The following PIP4K2A variants were observed in gnomAD, a reference collection of about 807,000 sequenced individuals.
PIP4K2A encodes the protein phosphatidylinositol 5-phosphate 4-kinase type-2 alpha.
A neutral mutation model predicts 42.9 loss-of-function variants in PIP4K2A; 14 were observed. That is an observed-to-expected ratio of 0.33 (90% CI 0.22 to 0.51). PIP4K2A has a LOEUF of 0.51. Ranked by LOEUF, PIP4K2A falls within the 20% of genes least tolerant of loss-of-function variation. The pLI is 0.97. For synonymous variants in PIP4K2A, 192 were observed against 192.2 expected, an observed-to-expected ratio of 1.00 and a Z score of 0.01; for missense variants, 434 against 519.8, an observed-to-expected ratio of 0.83 and a Z score of 1.61.
chr10:22,541,384 T>C (rs528599279), intron 8 of PIP4K2A, among the ~76,000 whole-genome samples: 1 of 152,360 alleles, frequency 6.6e-6, no homozygotes, highest in African/African-American at 2.4e-5. Context: ...ATGATGCTTT[T>C]GACTTAGATA....
intron 4 of PIP4K2A, among the ~76,000 whole-genome samples, chr10:22,576,343 G>A (rs779035600): frequency 6.6e-6 from 1 of 152,182 alleles, no homozygotes; most frequent in African/African-American, 2.4e-5. Flanking sequence ...GACACAAAGA[G>A]ACCTGAATGA....
intron 1 of PIP4K2A, among the ~76,000 whole-genome samples, chr10:22,671,478 G>T (rs12260163): frequency 0.14 from 20,986 of 152,006 alleles, 1,752 homozygotes; most frequent in African/African-American, 0.22. Flanking sequence ...AGGGTAGGTC[G>T]CTGGAAGGTG....
intron 1 of PIP4K2A, among the ~76,000 whole-genome samples, chr10:22,657,601 T>C (rs1839127494): frequency 6.6e-6 from 1 of 152,240 alleles, no homozygotes; most frequent in African/African-American, 2.4e-5. Context: ...GAAACCAATT[T>C]AGATTCTACA....
intron 1 of PIP4K2A, among the ~76,000 whole-genome samples, chr10:22,645,011 C>G (rs1421976490): frequency 2.0e-5 from 3 of 152,196 alleles, no homozygotes; most frequent in Non-Finnish European, 2.9e-5. Flanking sequence ...ACCCCCTTCC[C>G]CCTATGCTGG....
intron 1 of PIP4K2A, among the ~76,000 whole-genome samples, chr10:22,646,670 T>G (rs910364636): frequency 1.3e-5 from 2 of 152,194 alleles, no homozygotes; most frequent in African/African-American, 4.8e-5. Context: ...CGTTTGTAAC[T>G]TGGGAGGGAC....
chr10:22,699,170 T>A (rs896658642), intron 1 of PIP4K2A, among the ~76,000 whole-genome samples: 3 of 152,226 alleles, frequency 2.0e-5, no homozygotes, highest in Admixed American at 6.5e-5. Context: ...GGATTTATCA[T>A]AATTTCAGAA....
At chr10:22,597,221 G>A (rs957711159) in intron 3 of PIP4K2A, among the ~76,000 whole-genome samples, 1 of 152,176 alleles carries the variant, frequency 6.6e-6, no homozygotes, top group African/African-American at 2.4e-5. Context: ...TGAGACAGAT[G>A]TGTTTGTGGA....
chr10:22,608,170 C>A, intron 2 of PIP4K2A, 147 bp from the exon 3 acceptor site: 1 of 549,936 alleles, frequency 1.8e-6, no homozygotes. Context: ...CCAGGTACAA[C>A]CCGCAGAAAG....
chr10:22,656,887 T>A (rs75233125), intron 1 of PIP4K2A, among the ~76,000 whole-genome samples: 5,079 of 152,230 alleles, frequency 0.033, 125 homozygotes, highest in Middle Eastern at 0.051. Context: ...GGATTTTTTT[T>A]ATACTTGAAG....
chr10:22,701,497 A>T (rs1049932246), intron 1 of PIP4K2A, among the ~76,000 whole-genome samples: 1 of 152,206 alleles, frequency 6.6e-6, no homozygotes, highest in Admixed American at 6.5e-5. Flanking sequence ...TCTGGAAGAC[A>T]GAAATGGCAT....
chr10:22,539,651 C>T (rs755369440), intron 9 of PIP4K2A: 4 of 268,796 alleles, frequency 1.5e-5, no homozygotes, highest in East Asian at 7.2e-5. Context: ...TGTTAGTGTC[C>T]GCCATGTGTA....
chr10:22,560,304 C>T (rs935980547), intron 6 of PIP4K2A, among the ~76,000 whole-genome samples: 2 of 152,296 alleles, frequency 1.3e-5, no homozygotes. Flanking sequence ...CAGAAGGATA[C>T]GCTGCTGTGC....
In PIP4K2A at chr10:22,613,773, G is replaced by A. The variant is rs376501072; in HGVS notation, c.145-4056C>T. On this transcript the variant is annotated intron_variant, in intron 1 of 9. Coordinates refer to ENST00000376573, the MANE Select transcript of PIP4K2A (RefSeq NM_005028.5). ...GTGGATGACATTCCTCATTCTGGCA[G>A]AGCTCAACCCCAGGGTGCAGGTGCA... 2.0e-5 allele frequency among the ~76,000 whole-genome samples: 3 copies of A among 152,260 alleles called. No homozygotes were observed. The South Asian group carries it at 6.2e-4, about 32-fold the overall frequency.
intron 1 of PIP4K2A, among the ~76,000 whole-genome samples, chr10:22,710,184 C>T (rs1295467317): frequency 6.6e-6 from 1 of 152,168 alleles, no homozygotes; most frequent in African/African-American, 2.4e-5. Context: ...CATGAATTCT[C>T]CAATCCACAC....
chr10:22,697,738 A>T (rs1306283169), intron 1 of PIP4K2A, among the ~76,000 whole-genome samples: 1 of 150,586 alleles, frequency 6.6e-6, no homozygotes, highest in Non-Finnish European at 1.5e-5. Flanking sequence ...AAAATTTTTT[A>T]AAAAATTAAA....
chr10:22,565,337 A>G lies in PIP4K2A; in HGVS notation c.678+2514T>C, dbSNP rs192839063. ...AACGGAGGGACCGGCTAAAGCCATG[A>G]CAGAAGAACGTGGATTGTGAAGATT... On this transcript the variant is annotated intron_variant, in intron 6 of 9. Transcript: ENST00000376573. 5.3e-5 allele frequency among the ~76,000 whole-genome samples: 8 copies of G among 152,362 alleles called. No homozygotes were observed. In the East Asian group the frequency reaches 1.5e-3, roughly 29 times the overall value.
chr10:22,567,142 G>A (rs1836864970), intron 6 of PIP4K2A, among the ~76,000 whole-genome samples: 1 of 152,190 alleles, frequency 6.6e-6, no homozygotes, highest in Non-Finnish European at 1.5e-5. Context: ...TAAGAGTATA[G>A]ATGTACCCTT....
chr10:22,591,422 G>A (rs1373296064), intron 4 of PIP4K2A, among the ~76,000 whole-genome samples: 1 of 152,112 alleles, frequency 6.6e-6, no homozygotes, highest in Non-Finnish European at 1.5e-5. Context: ...TACAAATAAT[G>A]AATGACCTTT....
intron 7 of PIP4K2A, among the ~76,000 whole-genome samples, chr10:22,546,363 A>T (rs1836258707): frequency 6.6e-6 from 1 of 152,140 alleles, no homozygotes; most frequent in South Asian, 2.1e-4. Flanking sequence ...GACCGGGGGA[A>T]AAAGAACCAT....
Sources: allele counts gnomAD v4.1 joint callset (sites outside exome capture counted in the v4.1 genomes callset), GRCh38; gene constraint gnomAD v4.1.1; transcripts MANE v1.5; gene names NCBI Gene and HGNC (gene_info 2026-07-23, HGNC 2026-07-21).